Variants in CNKSR2 observed in about 807,000 individuals in gnomAD.
The protein encoded by CNKSR2 is CNK homolog protein 2.
In CNKSR2, 14 loss-of-function variants were observed where a neutral mutation model predicts 84.4. The ratio of observed to expected loss-of-function variants is 0.17; its 90% CI spans 0.11 to 0.26. The LOEUF (loss-of-function observed/expected upper bound fraction) is 0.26, where lower values mean the gene tolerates loss of function less well. Among genes scored for constraint, CNKSR2 ranks in the 10% least tolerant of loss-of-function variants. The pLI, the probability that CNKSR2 is intolerant of heterozygous loss-of-function variation, is 1.00. For synonymous variants in CNKSR2, 275 were observed against 277.9 expected, an observed-to-expected ratio of 0.99 and a Z score of 0.10; for missense variants, 485 against 771.2, an observed-to-expected ratio of 0.63 and a Z score of 4.40.
At chrX:21,637,326 G>A (rs1450027647) in intron 20 of CNKSR2, 1 of 111,638 alleles carries the variant, frequency 9.0e-6, no homozygotes, top group Non-Finnish European at 1.9e-5. Flanking sequence ...TCTGGAAACA[G>A]TATTTTCTTA....
At chrX:21,424,700 T>C (rs899151973) in intron 1 of CNKSR2, 3 of 112,037 alleles carry the variant, frequency 2.7e-5, no homozygotes, top group Admixed American at 1.9e-4. Context: ...GTCTGTGTCT[T>C]ATTTACCCTT....
At chrX:21,421,271 T>A (rs1313954980) in intron 1 of CNKSR2, among the ~76,000 whole-genome samples, 2 of 107,226 alleles carry the variant, frequency 1.9e-5, no homozygotes, top group African/African-American at 3.4e-5. Context: ...AGGTGTGGCA[T>A]CACTGATTTA....
rs1212843511 is a variant in CNKSR2 at position 21,570,358 on chromosome X, C to T, written c.1608+6906C>T. Among the ~76,000 whole-genome samples the T allele has an allele frequency of 2.7e-5, 3 of 112,534 alleles. No individual in the cohort carries two copies. In the East Asian group the frequency reaches 8.4e-4, roughly 31 times the overall value. On this transcript the variant is annotated intron_variant, in intron 13 of 21. Coordinates refer to ENST00000379510, the MANE Select transcript of CNKSR2 (RefSeq NM_014927.5). Reference sequence around the variant, plus strand: ...GCCTTCTTTCCTTAAACCTCATAAACCAGCCTCTGCTAGCTTCCAGCTTTT... The same window carrying T: ...GCCTTCTTTCCTTAAACCTCATAAATCAGCCTCTGCTAGCTTCCAGCTTTT...
At chrX:21,377,098 T>C (rs1397610916) in intron 1 of CNKSR2, among the ~76,000 whole-genome samples, 1 of 112,351 alleles carries the variant, frequency 8.9e-6, no homozygotes, top group Non-Finnish European at 1.9e-5. Context: ...ATTTTAGAGC[T>C]ATTTGAAAAG....
At chrX:21,449,610 A>T (rs1001743085) in intron 4 of CNKSR2, among the ~76,000 whole-genome samples, 1 of 110,698 alleles carries the variant, frequency 9.0e-6, no homozygotes, top group African/African-American at 3.3e-5. Flanking sequence ...ACCTGAAAAT[A>T]TTAGTGGCTT....
chrX:21,397,484 A>C (rs773499985), intron 1 of CNKSR2, among the ~76,000 whole-genome samples: 11 of 111,264 alleles, frequency 9.9e-5, no homozygotes, highest in African/African-American at 3.6e-4. Context: ...ACACCAAAAA[A>C]GTACATTTGA....
chrX:21,607,505 A>G (rs757025257), intron 19 of CNKSR2, among the ~76,000 whole-genome samples: 102 of 111,714 alleles, frequency 9.1e-4, no homozygotes, highest in African/African-American at 2.8e-3. Context: ...AGTTTAGACA[A>G]TAATATTCCA....
chrX:21,496,058 A>G (rs767761576), intron 6 of CNKSR2, among the ~76,000 whole-genome samples: 22 of 110,671 alleles, frequency 2.0e-4, no homozygotes, highest in Non-Finnish European at 3.2e-4. Context: ...ACTGTAGGCA[A>G]TTGTGACACA....
chrX:21,616,915 G>T (rs1050133519), intron 20 of CNKSR2, among the ~76,000 whole-genome samples: 1 of 111,730 alleles, frequency 9.0e-6, no homozygotes, highest in Non-Finnish European at 1.9e-5. Context: ...ATAACCAGTA[G>T]CCCTGCATCA....
chrX:21,616,393 A>G (rs1445805495), intron 20 of CNKSR2, among the ~76,000 whole-genome samples: 1 of 111,902 alleles, frequency 8.9e-6, no homozygotes, highest in Non-Finnish European at 1.9e-5. Context: ...CCCTTTTGTT[A>G]CTAACTTCCT....
Position 21,609,481 on chromosome X carries a change from G to A in CNKSR2, c.2556G>A (p.Gly852=). ...GTTTTACTCTGCCTCGAGATAGCGG[G>A]TTCAACCATTGCTGTCTGAATGCTC... The part of the protein sequence containing the change: ...PRSFTLPRDS[G]FNHCCLNAPV... The change falls in exon 20 of 22, where the codon GGG becomes GGA. Residue 852 remains glycine (G), a synonymous_variant. Transcript: ENST00000379510. The A allele has an allele frequency of 8.3e-7, 1 of 1,211,436 alleles. No homozygotes were observed.
chrX:21,610,776 C>T (rs976814921), intron 20 of CNKSR2, among the ~76,000 whole-genome samples: 1 of 112,137 alleles, frequency 8.9e-6, no homozygotes, highest in African/African-American at 3.2e-5. Flanking sequence ...AGATTACCAA[C>T]AGGTCAAGAG....
At chrX:21,594,238 C>T (rs192773339) in intron 15 of CNKSR2, 1 of 111,197 alleles carries the variant, frequency 9.0e-6, no homozygotes, top group African/African-American at 3.3e-5. Context: ...CCAAATACCA[C>T]GTGTTCTCAC....
chrX:21,507,737 G>T (rs1295073313), intron 8 of CNKSR2, among the ~76,000 whole-genome samples: 1 of 111,212 alleles, frequency 9.0e-6, no homozygotes, highest in Non-Finnish European at 1.9e-5. Flanking sequence ...GAATACTAGG[G>T]TTTGAGTTGC....
chrX:21,600,873 T>C lies in CNKSR2; in HGVS notation c.1977-409T>C, dbSNP rs777199713. Among the ~76,000 whole-genome samples, 5 of 112,213 alleles carry C rather than the reference T, an allele frequency of 4.5e-5. No homozygotes were observed. In the East Asian group the frequency reaches 8.4e-4, roughly 19 times the overall value. The stretch of plus-strand genomic sequence containing the variant: ...AAAACTATTATTTTGACAGGCAAGG[T>C]CCATAACTTTTTTCCCTCATCAGAA... On this transcript the variant is annotated intron_variant, in intron 17 of 21. Coordinates refer to ENST00000379510, the MANE Select transcript of CNKSR2 (RefSeq NM_014927.5).
In CNKSR2 at chrX:21,543,057, A is replaced by G. The variant is rs16981595; in HGVS notation, c.1303+10990A>G. Among the ~76,000 whole-genome samples, 1,116 of 112,703 alleles carry G rather than the reference A, an allele frequency of 9.9e-3. 13 individuals carry two copies. The highest frequency in any genetic ancestry group is 0.032 in the African/African-American group (1,009 of 31,086). The stretch of plus-strand genomic sequence containing the variant: ...ATAAATAGCAAACGGCTTGAGTGAC[A>G]TATAGCAGTATGATGAAGGGCCTAT... On this transcript the variant is annotated intron_variant, in intron 11 of 21. Coordinates refer to ENST00000379510, the MANE Select transcript of CNKSR2 (RefSeq NM_014927.5).
chrX:21,599,958 C>CTA (rs2092472387), intron 17 of CNKSR2, among the ~76,000 whole-genome samples: 2 of 111,348 alleles, frequency 1.8e-5, no homozygotes, highest in Non-Finnish European at 3.8e-5. Flanking sequence ...GTGTGTGTGT[C>CTA]TATATATATA....
At chrX:21,400,271 C>A in intron 1 of CNKSR2, among the ~76,000 whole-genome samples, 1 of 108,546 alleles carries the variant, frequency 9.2e-6, no homozygotes, top group Non-Finnish European at 1.9e-5. Context: ...ATAAAGAGCC[C>A]AAGAATGGGC....
intron 17 of CNKSR2, among the ~76,000 whole-genome samples, chrX:21,597,527 T>G (rs2092457159): frequency 8.9e-6 from 1 of 111,792 alleles, no homozygotes; most frequent in Non-Finnish European, 1.9e-5. Context: ...GGATTTTTAT[T>G]GTTTTGCTTT....
Sources: gnomAD v4.1 joint callset for allele counts (sites outside exome capture counted in the v4.1 genomes callset) on GRCh38, gnomAD v4.1.1 for gene constraint, MANE v1.5 for transcripts, NCBI Gene and HGNC (gene_info 2026-07-23, HGNC 2026-07-21) for gene names.